Variants in SPRR2G observed in about 807,000 individuals in gnomAD.
The protein encoded by SPRR2G is small proline-rich protein 2G.
Under a neutral mutation model 0.7 loss-of-function variants are expected in SPRR2G, and 1 was observed. The ratio of observed to expected loss-of-function variants is 1.49; its 90% CI spans 0.53 to 7.06. The LOEUF (loss-of-function observed/expected upper bound fraction) is 7.06, where lower values mean the gene tolerates loss of function less well. Ranked by LOEUF, SPRR2G falls within the 30% of genes most tolerant of loss-of-function variation. SPRR2G has a pLI of 0.14. For synonymous variants in SPRR2G, 38 were observed against 33.9 expected (o/e 1.12, Z -0.42); for missense variants, 96 against 88.5 (o/e 1.09, Z -0.34).
At chr1:153,177,944 C>CA in the SPRR2G span, among the ~76,000 whole-genome samples, 2,517 of 151,642 alleles carry the variant, frequency 0.017, 63 homozygotes, top group African/African-American at 0.058. Flanking sequence ...CTGATACATT[C>CA]AAAATAGTGT....
chr1:153,194,505 CA>C, the SPRR2G span, among the ~76,000 whole-genome samples: 16 of 152,298 alleles, frequency 1.1e-4, no homozygotes, highest in Non-Finnish European at 2.2e-4. Flanking sequence ...CTTCCACCCA[CA>C]CGTGCTGCTC....
the SPRR2G span, among the ~76,000 whole-genome samples, chr1:153,193,155 A>G: frequency 0.031 from 4,706 of 152,290 alleles, 200 homozygotes; most frequent in African/African-American, 0.094. Flanking sequence ...AAGACTGGAT[A>G]AACTGCCACA....
chr1:153,182,081 T>G, the SPRR2G span, among the ~76,000 whole-genome samples: 1 of 152,154 alleles, frequency 6.6e-6, no homozygotes. Context: ...GCATCTGTTA[T>G]TCTTCATCTT....
upstream of SPRR2G, among the ~76,000 whole-genome samples, chr1:153,152,005 A>C (rs189581195): frequency 4.6e-5 from 7 of 152,322 alleles, no homozygotes; most frequent in Admixed American, 4.6e-4. Context: ...TGTGGAACTA[A>C]ATATTTCCTA....
chr1:153,167,303 C>A, the SPRR2G span, among the ~76,000 whole-genome samples: 1 of 151,442 alleles, frequency 6.6e-6, no homozygotes, highest in Non-Finnish European at 1.5e-5. Flanking sequence ...GGAGAAATCC[C>A]ATCTCTACTA....
chr1:153,153,638 G>A (rs2101649332), upstream of SPRR2G, among the ~76,000 whole-genome samples: 1 of 152,170 alleles, frequency 6.6e-6, no homozygotes, highest in South Asian at 2.1e-4. Context: ...AAGGTAGAGA[G>A]GGTAGAAGAC....
the SPRR2G span, among the ~76,000 whole-genome samples, chr1:153,169,815 G>T: frequency 6.6e-6 from 1 of 152,040 alleles, no homozygotes; most frequent in African/African-American, 2.4e-5. Context: ...ATTCAGCCAC[G>T]CCATTCAGCA....
At chr1:153,162,021 T>C in the SPRR2G span, among the ~76,000 whole-genome samples, 1 of 152,146 alleles carries the variant, frequency 6.6e-6, no homozygotes, top group Non-Finnish European at 1.5e-5. Context: ...AACTTTTATT[T>C]TAAGTTCAAG....
chr1:153,162,198 C>T, the SPRR2G span, among the ~76,000 whole-genome samples: 32 of 152,100 alleles, frequency 2.1e-4, no homozygotes, highest in Non-Finnish European at 4.3e-4. Context: ...GTGTTGTTCC[C>T]CTCTATGTGT....
chr1:153,175,494 C>T, the SPRR2G span, among the ~76,000 whole-genome samples: 413 of 152,300 alleles, frequency 2.7e-3, 1 homozygote, highest in African/African-American at 8.7e-3. Flanking sequence ...TCCCTCCCAG[C>T]CTTCACACAT....
the SPRR2G span, among the ~76,000 whole-genome samples, chr1:153,198,505 G>T: frequency 6.6e-6 from 1 of 152,182 alleles, no homozygotes; most frequent in East Asian, 1.9e-4. Context: ...AAATGTGCCT[G>T]CAGCTCCCAA....
chr1:153,161,969 G>A, the SPRR2G span, among the ~76,000 whole-genome samples: 2 of 152,118 alleles, frequency 1.3e-5, no homozygotes, highest in Non-Finnish European at 2.9e-5. Flanking sequence ...GATACCAATA[G>A]GGGGTTTTTG....
the SPRR2G span, among the ~76,000 whole-genome samples, chr1:153,162,843 G>A: frequency 1.3e-5 from 2 of 152,102 alleles, no homozygotes; most frequent in Non-Finnish European, 2.9e-5. Flanking sequence ...AGCCCCTTAG[G>A]GCAGAGATAG....
the SPRR2G span, among the ~76,000 whole-genome samples, chr1:153,185,731 T>G: frequency 1.3e-5 from 2 of 152,224 alleles, no homozygotes; most frequent in African/African-American, 4.8e-5. Flanking sequence ...TGGTCAGATC[T>G]TAGTTACTTC....
the SPRR2G span, among the ~76,000 whole-genome samples, chr1:153,174,102 C>T: frequency 2.0e-5 from 3 of 152,230 alleles, no homozygotes; most frequent in Admixed American, 2.0e-4. Context: ...TTTGGCATAA[C>T]CCATATGTAA....
At chr1:153,168,125 T>C in the SPRR2G span, among the ~76,000 whole-genome samples, 1 of 152,224 alleles carries the variant, frequency 6.6e-6, no homozygotes, top group East Asian at 1.9e-4. Context: ...ATGCTTTATA[T>C]AACATAGTTA....
At chr1:153,197,155 T>TGTGTGC in the SPRR2G span, among the ~76,000 whole-genome samples, 1 of 143,140 alleles carries the variant, frequency 7.0e-6, no homozygotes, top group Admixed American at 6.7e-5. Context: ...TGTGTGTGTG[T>TGTGTGC]GTGTGTGTGT....
At chr1:153,165,550 A>C in the SPRR2G span, among the ~76,000 whole-genome samples, 1 of 152,190 alleles carries the variant, frequency 6.6e-6, no homozygotes, top group Non-Finnish European at 1.5e-5. Flanking sequence ...TCTAACACAA[A>C]ACTGCAAGAG....
the SPRR2G span, among the ~76,000 whole-genome samples, chr1:153,175,882 C>A: frequency 1.3e-5 from 2 of 152,196 alleles, no homozygotes; most frequent in South Asian, 2.1e-4. Flanking sequence ...GGCGGTGAAA[C>A]TCCGTCTCTA....
Sources: allele counts gnomAD v4.1 joint callset (sites outside exome capture counted in the v4.1 genomes callset), GRCh38; gene constraint gnomAD v4.1.1; transcripts MANE v1.5; gene names NCBI Gene and HGNC (gene_info 2026-07-23, HGNC 2026-07-21).